The following ATP9B variants were observed in gnomAD, a reference collection of about 807,000 sequenced individuals.
ATP9B encodes ATPase phospholipid transporting 9B.
A neutral mutation model predicts 146.1 loss-of-function variants in ATP9B; 110 were observed. That is an observed-to-expected ratio of 0.75 (90% CI 0.65 to 0.88). ATP9B has a LOEUF of 0.88. ATP9B is among the 40% of genes least tolerant of loss of function. ATP9B has a pLI of 0.00. For synonymous variants in ATP9B, 604 were observed against 569.7 expected, an observed-to-expected ratio of 1.06 and a Z score of -0.86; for missense variants, 1,499 against 1,496.4, an observed-to-expected ratio of 1.00 and a Z score of -0.03.
chr18:79,098,165 C>T (rs1340343464), intron 2 of ATP9B, among the ~76,000 whole-genome samples: 1 of 151,908 alleles, frequency 6.6e-6, no homozygotes, highest in African/African-American at 2.4e-5. Flanking sequence ...ATAAATGGTG[C>T]TGGGAAAACT....
chr18:79,170,537 A>C (rs551747696), intron 7 of ATP9B, among the ~76,000 whole-genome samples: 16 of 152,164 alleles, frequency 1.1e-4, no homozygotes, highest in Non-Finnish European at 1.9e-4. Context: ...CAGATTTTTA[A>C]TCTCTGGGTT....
chr18:79,198,468 G>A (rs1024957782), intron 9 of ATP9B, among the ~76,000 whole-genome samples: 4 of 152,096 alleles, frequency 2.6e-5, no homozygotes, highest in South Asian at 2.1e-4. Flanking sequence ...TGCAAAATAC[G>A]GTCATGAGTT....
intron 26 of ATP9B, among the ~76,000 whole-genome samples, chr18:79,364,625 C>T (rs964634187): frequency 2.6e-5 from 4 of 152,174 alleles, no homozygotes; most frequent in African/African-American, 9.7e-5. Flanking sequence ...AGAAAATACA[C>T]ACAAAATATG....
chr18:79,271,529 G>C (rs1371365708), intron 12 of ATP9B, among the ~76,000 whole-genome samples: 8 of 151,846 alleles, frequency 5.3e-5, no homozygotes, highest in South Asian at 2.1e-4. Flanking sequence ...GAGAATGATG[G>C]TTTCCAGCTT....
chr18:79,350,310 G>A lies in ATP9B; in HGVS notation c.2903+2114G>A, dbSNP rs543190338. Among the ~76,000 whole-genome samples, 12 of 152,362 alleles carry A rather than the reference G, an allele frequency of 7.9e-5. No individual in the cohort carries two copies. The East Asian group carries it at 1.7e-3, about 22-fold the overall frequency. On this transcript the variant is annotated intron_variant, in intron 25 of 29. Coordinates refer to ENST00000426216, the MANE Select transcript of ATP9B (RefSeq NM_198531.5). ...TGTCTTCAGGCTTCTCTCACCCCTAGCCCTTCATCTTCGCACAAGTGCCTC... is the reference window on the plus strand; with the variant it reads ...TGTCTTCAGGCTTCTCTCACCCCTAACCCTTCATCTTCGCACAAGTGCCTC...
At chr18:79,093,497 G>C (rs2074522410) in intron 1 of ATP9B, among the ~76,000 whole-genome samples, 1 of 152,126 alleles carries the variant, frequency 6.6e-6, no homozygotes, top group Admixed American at 6.5e-5. Flanking sequence ...GCTTCTAGTA[G>C]TTTGATTATG....
intron 9 of ATP9B, among the ~76,000 whole-genome samples, chr18:79,196,133 C>A (rs1260800073): frequency 6.6e-6 from 1 of 152,204 alleles, no homozygotes; most frequent in Non-Finnish European, 1.5e-5. Flanking sequence ...CGGAGCCATA[C>A]AAGAGCAGCA....
intron 7 of ATP9B, among the ~76,000 whole-genome samples, chr18:79,159,280 G>GT (rs1463076983): frequency 6.6e-6 from 1 of 152,118 alleles, no homozygotes; most frequent in African/African-American, 2.4e-5. Context: ...ATCTTAGCAG[G>GT]TATGTACACT....
At chr18:79,129,709 A>G (rs142045406) in intron 5 of ATP9B, among the ~76,000 whole-genome samples, 2 of 152,322 alleles carry the variant, frequency 1.3e-5, no homozygotes, top group Non-Finnish European at 2.9e-5. Context: ...GCTAATTTCC[A>G]GAATTACCAG....
At chr18:79,238,647 G>T (rs1403557347) in intron 11 of ATP9B, among the ~76,000 whole-genome samples, 1 of 152,188 alleles carries the variant, frequency 6.6e-6, no homozygotes, top group Non-Finnish European at 1.5e-5. Flanking sequence ...GGCAGCTGTG[G>T]ACACAGCCTG....
intron 1 of ATP9B, among the ~76,000 whole-genome samples, chr18:79,071,752 CTCAGATTGA>C (rs1270758473): frequency 6.6e-6 from 1 of 152,122 alleles, no homozygotes; most frequent in Non-Finnish European, 1.5e-5. Context: ...GCTGCTGTCA[CTCAGATTGA>C]TGTTCCCCTG....
intron 13 of ATP9B, among the ~76,000 whole-genome samples, chr18:79,281,367 C>T (rs1347478968): frequency 2.0e-5 from 3 of 151,792 alleles, no homozygotes; most frequent in Admixed American, 6.6e-5. Context: ...CATGGTGGTG[C>T]ATGCCTGTAG....
Position 79,256,257 on chromosome 18 carries a change from CTATA to C in ATP9B, c.1268+2743_1268+2746del, listed in dbSNP as rs10531617. ...ATGCCATTTTGTGAATTCTAGCTAG[CTATA>C]TATATATATATATATATATATATAT... On this transcript the variant is annotated intron_variant, in intron 12 of 29. Coordinates refer to ENST00000426216, the MANE Select transcript of ATP9B (RefSeq NM_198531.5). Among the ~76,000 whole-genome samples the C allele has an allele frequency of 5.8e-3, 580 of 100,312 alleles. 22 individuals carry two copies. Among genetic ancestry groups the C allele is most frequent in the African/African-American group, 0.022 (474 of 21,610 alleles). The allele number at this position is 100,312 out of a possible 152,430, so 65.8% of individuals were successfully genotyped here.
chr18:79,162,611 C>T (rs2094900333), intron 7 of ATP9B, among the ~76,000 whole-genome samples: 1 of 152,186 alleles, frequency 6.6e-6, no homozygotes, highest in South Asian at 2.1e-4. Flanking sequence ...TTAAATGACA[C>T]TGTACTCATC....
chr18:79,329,907 T>A (rs1426249957), intron 16 of ATP9B, 105 bp from the exon 17 acceptor site: 3 of 1,010,280 alleles, frequency 3.0e-6, no homozygotes, highest in Non-Finnish European at 4.6e-6. Context: ...CAGGAACACA[T>A]TCATAGGAAT....
At chr18:79,295,692 C>G (rs573237441) in intron 13 of ATP9B, among the ~76,000 whole-genome samples, 1 of 152,340 alleles carries the variant, frequency 6.6e-6, no homozygotes, top group East Asian at 1.9e-4. Context: ...TCTCTAAAAT[C>G]CCTGTGTTGA....
At chr18:79,293,652 A>G (rs1213215523) in intron 13 of ATP9B, among the ~76,000 whole-genome samples, 1 of 152,180 alleles carries the variant, frequency 6.6e-6, no homozygotes, top group Non-Finnish European at 1.5e-5. Flanking sequence ...TCCTTTTTAA[A>G]ATTAATTACC....
In ATP9B at chr18:79,171,975, G is replaced by A. The variant is rs537480314; in HGVS notation, c.779-4838G>A. On this transcript the variant is annotated intron_variant, in intron 7 of 29. Transcript: ENST00000426216. ...GCGATCTCAGCTCACTGCAATTTCC[G>A]CCTCCTGGGTTCAAGCAATTCTCCT... 1.2e-4 allele frequency among the ~76,000 whole-genome samples: 18 copies of A among 151,696 alleles called. No individual in the cohort carries two copies. The East Asian group carries it at 2.3e-3, about 20-fold the overall frequency.
At chr18:79,350,013 C>T (rs2096914065) in intron 25 of ATP9B, among the ~76,000 whole-genome samples, 1 of 151,946 alleles carries the variant, frequency 6.6e-6, no homozygotes, top group African/African-American at 2.4e-5. Context: ...GGTCCTCGTA[C>T]CTGCTGTGAG....
Sources: allele counts gnomAD v4.1 joint callset (sites outside exome capture counted in the v4.1 genomes callset), GRCh38; gene constraint gnomAD v4.1.1; transcripts MANE v1.5; gene names NCBI Gene and HGNC (gene_info 2026-07-23, HGNC 2026-07-21).